Variants in GNPTAB observed in about 807,000 individuals in gnomAD.
GNPTAB encodes the protein N-acetylglucosamine-1-phosphotransferase subunits alpha/beta.
Under a neutral mutation model 136.6 loss-of-function variants are expected in GNPTAB, and 92 were observed. The ratio of observed to expected loss-of-function variants is 0.67; its 90% CI spans 0.57 to 0.80. GNPTAB has a LOEUF of 0.80. GNPTAB is among the 30% of genes least tolerant of loss of function. GNPTAB has a pLI of 0.00. For missense variants in GNPTAB, 1,343 were observed against 1,501.8 expected (o/e 0.89, Z 1.75); for synonymous variants, 512 against 535.1 (o/e 0.96, Z 0.60).
chr12:101,753,194 A>C (rs1299914770), intron 19 of GNPTAB, among the ~76,000 whole-genome samples, 178 bp downstream of exon 19: 1 of 152,072 alleles, frequency 6.6e-6, no homozygotes, highest in Non-Finnish European at 1.5e-5. Context: ...CGGAGGTTGC[A>C]GTGAGCTGAG....
intron 4 of GNPTAB, among the ~76,000 whole-genome samples, chr12:101,787,251 A>G (rs548963643): frequency 1.3e-4 from 20 of 152,204 alleles, no homozygotes; most frequent in Non-Finnish European, 2.8e-4. Flanking sequence ...AATGCCCAAC[A>G]TTTAGTAAAT....
chr12:101,783,855 C>T (rs1868479264), intron 5 of GNPTAB, among the ~76,000 whole-genome samples: 1 of 151,914 alleles, frequency 6.6e-6, no homozygotes, highest in African/African-American at 2.4e-5. Context: ...GCTGGGATTA[C>T]AGGTGCATGC....
intron 11 of GNPTAB, 128 bp downstream of exon 11, chr12:101,767,909 G>T: frequency 9.5e-7 from 1 of 1,055,814 alleles, no homozygotes; most frequent in East Asian, 2.5e-5. Context: ...GAGCCACCAT[G>T]CCCAGCATTA....
At chr12:101,773,072 A>G (rs1203480613) in intron 7 of GNPTAB, 1 of 187,618 alleles carries the variant, frequency 5.3e-6, no homozygotes, top group Non-Finnish European at 1.1e-5. Context: ...CGGCCTCCCA[A>G]AGTGCTGGGA....
intron 1 of GNPTAB, among the ~76,000 whole-genome samples, chr12:101,798,271 T>G (rs1233345038): frequency 6.6e-6 from 1 of 152,206 alleles, no homozygotes; most frequent in Non-Finnish European, 1.5e-5. Context: ...CTTTGCCAGC[T>G]CATTCCCTTC....
At chr12:101,767,020 C>T (rs540689838) in intron 11 of GNPTAB, among the ~76,000 whole-genome samples, 10 of 152,342 alleles carry the variant, frequency 6.6e-5, no homozygotes, top group Non-Finnish European at 8.8e-5. Flanking sequence ...AGACTGACTT[C>T]TCTGGTCTAC....
At chr12:101,801,412 T>C (rs1163376749) in intron 1 of GNPTAB, among the ~76,000 whole-genome samples, 2 of 150,526 alleles carry the variant, frequency 1.3e-5, no homozygotes, top group Non-Finnish European at 3.0e-5. Flanking sequence ...TGGTGGGATG[T>C]GCCTGTAGTC....
intron 1 of GNPTAB, among the ~76,000 whole-genome samples, chr12:101,801,625 G>A (rs1869643319): frequency 6.7e-6 from 1 of 150,356 alleles, no homozygotes. Context: ...TTCCTCTCTG[G>A]AACAGATGAG....
intron 20 of GNPTAB, among the ~76,000 whole-genome samples, chr12:101,748,638 C>T (rs1487767280): frequency 6.6e-6 from 1 of 152,108 alleles, no homozygotes; most frequent in Non-Finnish European, 1.5e-5. Context: ...GGAGGGAGAA[C>T]TCCTAGCGAT....
rs1414003289 is a variant in GNPTAB, at chr12:101,830,950, A to T, written c.-275T>A. On this transcript the variant is annotated 5_prime_UTR_variant, in exon 1 of 21. Coordinates refer to ENST00000299314, the MANE Select transcript of GNPTAB (RefSeq NM_024312.5). ...CGCCGCCCGGGTCTGGCCGGGCGAG[A>T]GGCGGCTGCGGCGGCGGCGGGGTCT... 1 of 148,856 alleles carries T rather than the reference A, an allele frequency of 6.7e-6. No homozygotes were observed. The highest frequency in any genetic ancestry group is 2.1e-4 in the South Asian group (1 of 4,722). 9.2% of individuals were successfully genotyped at this position (148,856 alleles called of 1,614,324 possible).
chr12:101,777,370 C>T (rs531620054), intron 7 of GNPTAB, among the ~76,000 whole-genome samples: 1 of 152,188 alleles, frequency 6.6e-6, no homozygotes. Context: ...TTAACAGAGA[C>T]GTTTCTCAAC....
intron 1 of GNPTAB, among the ~76,000 whole-genome samples, chr12:101,821,688 C>T (rs533292025): frequency 1.3e-5 from 2 of 152,288 alleles, no homozygotes; most frequent in South Asian, 2.1e-4. Flanking sequence ...GTCTGTTTCC[C>T]ACTTCCTTAC....
chr12:101,825,332 A>G (rs1161026589), intron 1 of GNPTAB, among the ~76,000 whole-genome samples: 7 of 152,256 alleles, frequency 4.6e-5, no homozygotes, highest in Non-Finnish European at 4.4e-5. Flanking sequence ...TTACCAGAGC[A>G]GGAATGACTC....
At chr12:101,788,389 C>T (rs1868790682) in intron 4 of GNPTAB, among the ~76,000 whole-genome samples, 159 bp downstream of exon 4, 1 of 152,188 alleles carries the variant, frequency 6.6e-6, no homozygotes, top group South Asian at 2.1e-4. Flanking sequence ...GCACTCAGCA[C>T]TGCAAAATTT....
intron 7 of GNPTAB, among the ~76,000 whole-genome samples, chr12:101,771,637 T>C (rs924219652): frequency 2.6e-5 from 4 of 152,086 alleles, no homozygotes; most frequent in South Asian, 4.1e-4. Context: ...GTTAAAAAAA[T>C]AGGCGTCTAA....
At chr12:101,825,675 G>C (rs1056715029) in intron 1 of GNPTAB, among the ~76,000 whole-genome samples, 8 of 122,802 alleles carry the variant, frequency 6.5e-5, no homozygotes, top group African/African-American at 2.6e-4. Context: ...GTGGCCATTG[G>C]CATCTCTAGT....
chr12:101,771,000 C>T lies in GNPTAB; in HGVS notation c.929G>A (p.Ser310Asn). Residue 310 changes from serine to asparagine, a missense_variant, in exon 8 of 21, where the codon AGC becomes AAC. Physicochemically the swap from Ser to Asn is conservative, Grantham distance 46. Transcript: ENST00000299314. ...AYLLWDLSAI[S>N]QSKQDEDISA... is the part of the protein sequence containing the mutation. ...AAGCTTCTGTGCATCCCTTACCTGG[C>T]TGATGGCGCTCAGATCCCATAATAA... 2 of 1,614,030 alleles carry T rather than the reference C, an allele frequency of 1.2e-6. No individual in the cohort carries two copies. Among genetic ancestry groups the T allele is most frequent in the Non-Finnish European group, 1.7e-6 (2 of 1,179,922 alleles).
intron 1 of GNPTAB, among the ~76,000 whole-genome samples, chr12:101,799,763 C>T (rs565176766): frequency 1.3e-5 from 2 of 151,766 alleles, no homozygotes; most frequent in Non-Finnish European, 2.9e-5. Flanking sequence ...TTGGACAATG[C>T]CCATGGCCAC....
At chr12:101,796,024 T>C (rs979804154) in intron 2 of GNPTAB, 4 of 451,734 alleles carry the variant, frequency 8.9e-6, no homozygotes, top group African/African-American at 2.0e-5. Flanking sequence ...ACTAAGAAGC[T>C]TGGCCTTCCA....
Sources: gnomAD v4.1 joint callset for allele counts (sites outside exome capture counted in the v4.1 genomes callset) on GRCh38, gnomAD v4.1.1 for gene constraint, MANE v1.5 for transcripts, NCBI Gene and HGNC (gene_info 2026-07-23, HGNC 2026-07-21) for gene names.